The following LARGE1 variants were observed in gnomAD, a reference collection of about 807,000 sequenced individuals.
LARGE1 encodes the protein LARGE xylosyl- and glucuronyltransferase 1, also known as xylosyl- and glucuronyltransferase LARGE1.
Under a neutral mutation model 87.6 loss-of-function variants are expected in LARGE1, and 43 were observed. The ratio of observed to expected loss-of-function variants is 0.49; its 90% CI spans 0.38 to 0.63. The LOEUF (loss-of-function observed/expected upper bound fraction) is 0.63, where lower values mean the gene tolerates loss of function less well. LARGE1 is among the 30% of genes least tolerant of loss of function. LARGE1 has a pLI of 0.00. For synonymous variants in LARGE1, 434 were observed against 394.6 expected, an observed-to-expected ratio of 1.10 and a Z score of -1.18; for missense variants, 802 against 1,000.2, an observed-to-expected ratio of 0.80 and a Z score of 2.67.
intron 9 of LARGE1, among the ~76,000 whole-genome samples, chr22:33,381,078 C>T (rs938069587): frequency 6.6e-6 from 1 of 152,196 alleles, no homozygotes; most frequent in African/African-American, 2.4e-5. Flanking sequence ...CCTCTGCCAC[C>T]TCTGCCTCAC....
intron 7 of LARGE1, among the ~76,000 whole-genome samples, chr22:33,407,786 C>G (rs1397231091): frequency 3.9e-5 from 6 of 152,098 alleles, no homozygotes; most frequent in Non-Finnish European, 4.4e-5. Context: ...GTATCTTTGG[C>G]TTTGGAAGCG....
rs185331263 is a variant in LARGE1 at position 33,415,965 on chromosome 22, A to T, written c.892+16196T>A. On this transcript the variant is annotated intron_variant, in intron 7 of 14. Coordinates refer to ENST00000397394, the MANE Select transcript of LARGE1 (RefSeq NM_133642.5). ...TGATTCCCAGCCTCGACATGACAGG[A>T]GCCTCTTGTCCCATACTCCCTGTGG... Among the ~76,000 whole-genome samples, 26 of 152,254 alleles carry T rather than the reference A, an allele frequency of 1.7e-4. No individual in the cohort carries two copies. In the East Asian group the frequency reaches 4.6e-3, roughly 27 times the overall value.
chr22:33,384,463 T>TGCACCACTGTC lies in LARGE1; in HGVS notation c.893-160_893-159insGACAGTGGTGC, dbSNP rs1304618028. Among the ~76,000 whole-genome samples the TGCACCACTGTC allele has an allele frequency of 1.0e-4, 13 of 125,648 alleles. No individual in the cohort carries two copies. In the South Asian group the frequency reaches 1.4e-3, roughly 14 times the overall value. 82.4% of individuals were successfully genotyped at this position (125,648 alleles called of 152,430 possible). ...GCAGATGAGTCTTCCCTCTAAAAAT[T>TGCACCACTGTC]CTTCCAATGAGGCTCCACAGTATGG... On this transcript the variant is annotated intron_variant, in intron 7 of 14. Transcript: ENST00000397394.
chr22:33,131,519 A>C, the LARGE1 span, among the ~76,000 whole-genome samples: 1 of 152,188 alleles, frequency 6.6e-6, no homozygotes, highest in Non-Finnish European at 1.5e-5. Flanking sequence ...ATGGACTCAC[A>C]GTTCCACATG....
chr22:33,521,890 C>T (rs1439150297), intron 6 of LARGE1, among the ~76,000 whole-genome samples: 1 of 152,172 alleles, frequency 6.6e-6, no homozygotes, highest in Admixed American at 6.5e-5. Context: ...AGCATAGCGC[C>T]TGCATCTATT....
intron 1 of LARGE1, among the ~76,000 whole-genome samples, chr22:33,786,270 A>C (rs943626329): frequency 2.6e-5 from 4 of 152,206 alleles, no homozygotes; most frequent in African/African-American, 9.7e-5. Context: ...GGAGCACCAA[A>C]GTTCTTATTC....
rs371923188 is a variant in LARGE1, at chr22:33,907,774, T to C, written c.-83+12221A>G. On this transcript the variant is annotated intron_variant, in intron 1 of 14. Transcript: ENST00000397394. ...CACGCCCGGCTAATTTTTTTTTGTA[T>C]TTTTAGTAGAGACCGGGTTTCACCA... 1.6e-4 allele frequency among the ~76,000 whole-genome samples: 24 copies of C among 152,230 alleles called. 2 individuals are homozygous for C. The highest frequency in any genetic ancestry group is 1.2e-3 in the Admixed American group (18 of 15,294).
chr22:33,728,345 C>T (rs2083335339), intron 2 of LARGE1, among the ~76,000 whole-genome samples: 1 of 151,982 alleles, frequency 6.6e-6, no homozygotes, highest in South Asian at 2.1e-4. Context: ...TCAAGACCAG[C>T]CTGGCCAACA....
intron 3 of LARGE1, among the ~76,000 whole-genome samples, chr22:33,634,414 G>T (rs1020133981): frequency 1.3e-5 from 2 of 152,148 alleles, no homozygotes; most frequent in African/African-American, 4.8e-5. Context: ...GCACTTGGAA[G>T]AGACTCTATA....
At chr22:33,894,582 A>G (rs538379342) in intron 1 of LARGE1, among the ~76,000 whole-genome samples, 3 of 152,260 alleles carry the variant, frequency 2.0e-5, no homozygotes, top group Middle Eastern at 3.4e-3. Flanking sequence ...TTATTTTTCA[A>G]ACAAAACTGG....
At chr22:33,901,913 T>A (rs1457569546) in intron 1 of LARGE1, among the ~76,000 whole-genome samples, 2 of 152,182 alleles carry the variant, frequency 1.3e-5, no homozygotes, top group Non-Finnish European at 2.9e-5. Flanking sequence ...AGACTACAAT[T>A]TGAAAGCTGC....
At chr22:33,325,856 C>A (rs747698454) in intron 10 of LARGE1, among the ~76,000 whole-genome samples, 4 of 152,172 alleles carry the variant, frequency 2.6e-5, no homozygotes, top group Admixed American at 6.5e-5. Flanking sequence ...TCCTCCCCAG[C>A]GCTTGCATGA....
chr22:33,658,283 A>G (rs2081026640), intron 2 of LARGE1, among the ~76,000 whole-genome samples: 1 of 152,360 alleles, frequency 6.6e-6, no homozygotes, highest in East Asian at 1.9e-4. Flanking sequence ...ATTTAAAAAA[A>G]AATTTTAATT....
chr22:33,243,443 A>G (rs971849543), intron 11 of LARGE1, among the ~76,000 whole-genome samples: 1 of 152,168 alleles, frequency 6.6e-6, no homozygotes, highest in South Asian at 2.1e-4. Flanking sequence ...GATTTCTGTC[A>G]CCAATGATTA....
chr22:33,541,201 G>GAAAAAAAAA (rs11368503), intron 6 of LARGE1, among the ~76,000 whole-genome samples: 10 of 133,580 alleles, frequency 7.5e-5, no homozygotes, highest in Admixed American at 7.7e-5. Flanking sequence ...GGGAAAAAAA[G>GAAAAAAAAA]AAAAAAAAAA....
At chr22:33,314,322 G>C (rs1456990348) in intron 11 of LARGE1, among the ~76,000 whole-genome samples, 1 of 152,170 alleles carries the variant, frequency 6.6e-6, no homozygotes, top group African/African-American at 2.4e-5. Flanking sequence ...TGAAGCCATT[G>C]AATTATGCAT....
intron 5 of LARGE1, among the ~76,000 whole-genome samples, chr22:33,597,302 G>T (rs1289211466): frequency 6.8e-6 from 1 of 146,488 alleles, no homozygotes. Context: ...AAAAAAACTT[G>T]TAAGTATTAA....
At chr22:33,420,102 C>T (rs2147560389) in intron 7 of LARGE1, among the ~76,000 whole-genome samples, 1 of 152,316 alleles carries the variant, frequency 6.6e-6, no homozygotes, top group African/African-American at 2.4e-5. Context: ...AAAATGTCTC[C>T]AGACATTGCC....
chr22:33,875,145 C>T (rs2064424297), intron 1 of LARGE1, among the ~76,000 whole-genome samples: 1 of 152,228 alleles, frequency 6.6e-6, no homozygotes, highest in Non-Finnish European at 1.5e-5. Context: ...GAACCATTGC[C>T]TCCAGAGGGG....
Sources: allele counts gnomAD v4.1 joint callset (sites outside exome capture counted in the v4.1 genomes callset), GRCh38; gene constraint gnomAD v4.1.1; transcripts MANE v1.5; gene names NCBI Gene and HGNC (gene_info 2026-07-23, HGNC 2026-07-21).